PPP2R2A: variants seen among roughly 807,000 people sequenced by gnomAD.
The protein encoded by PPP2R2A is protein phosphatase 2 regulatory subunit Balpha.
A neutral mutation model predicts 53.2 loss-of-function variants in PPP2R2A; 9 were observed. The observed-to-expected ratio is 0.17, with a 90% confidence interval of 0.10 to 0.30. The LOEUF (loss-of-function observed/expected upper bound fraction) is 0.30. Ranked by LOEUF, PPP2R2A falls within the 10% of genes least tolerant of loss-of-function variation. PPP2R2A has a pLI of 1.00. For synonymous variants in PPP2R2A, 169 were observed against 174.2 expected (o/e 0.97, Z 0.23); for missense variants, 235 against 534.6 (o/e 0.44, Z 5.53).
At chr8:26,312,016 A>C (rs1012576104) in intron 2 of PPP2R2A, among the ~76,000 whole-genome samples, 1 of 141,064 alleles carries the variant, frequency 7.1e-6, no homozygotes, top group Non-Finnish European at 1.6e-5. Flanking sequence ...TGTAAATAGC[A>C]TATTTTTTAC....
intron 2 of PPP2R2A, among the ~76,000 whole-genome samples, chr8:26,336,919 C>CT (rs1246190008): frequency 3.3e-5 from 5 of 151,582 alleles, no homozygotes; most frequent in Non-Finnish European, 7.4e-5. Flanking sequence ...ACCTACCTGT[C>CT]TAACTTTACT....
intron 8 of PPP2R2A, 77 bp from the exon 9 acceptor site, chr8:26,366,235 CCTT>C: frequency 3.7e-6 from 4 of 1,089,964 alleles, no homozygotes; most frequent in African/African-American, 1.6e-5. Context: ...CTGTATATGC[CCTT>C]TTTTTCTTTT....
intron 2 of PPP2R2A, among the ~76,000 whole-genome samples, chr8:26,295,160 G>A (rs1392453122): frequency 6.6e-6 from 1 of 152,156 alleles, no homozygotes; most frequent in East Asian, 1.9e-4. Flanking sequence ...AATGTTCTTT[G>A]GTTGAATTCC....
chr8:26,307,310 G>A (rs942254557), intron 2 of PPP2R2A, among the ~76,000 whole-genome samples: 8 of 152,124 alleles, frequency 5.3e-5, no homozygotes, highest in South Asian at 4.1e-4. Context: ...TGGAGTCTTC[G>A]GATTGTAGAC....
chr8:26,330,787 G>A (rs1026004703), intron 2 of PPP2R2A, among the ~76,000 whole-genome samples: 3 of 152,018 alleles, frequency 2.0e-5, no homozygotes, highest in South Asian at 2.1e-4. Context: ...TGGTAATTTC[G>A]GATTGGAAAC....
chr8:26,333,634 C>G (rs1803494949), intron 2 of PPP2R2A: 1 of 770,420 alleles, frequency 1.3e-6, no homozygotes, highest in African/African-American at 1.8e-5. Context: ...TTATTTGTTA[C>G]ACCCATTTAT....
intron 2 of PPP2R2A, among the ~76,000 whole-genome samples, chr8:26,328,599 A>T (rs1272136800): frequency 6.6e-6 from 1 of 152,168 alleles, no homozygotes; most frequent in Non-Finnish European, 1.5e-5. Flanking sequence ...TAATTCCCTG[A>T]TTGTTTTATT....
intron 2 of PPP2R2A, among the ~76,000 whole-genome samples, chr8:26,335,942 T>C (rs1022803021): frequency 1.3e-5 from 2 of 152,228 alleles, no homozygotes; most frequent in Admixed American, 1.3e-4. Context: ...TTGGAGCAAA[T>C]GTCTTGTTTC....
intron 2 of PPP2R2A, among the ~76,000 whole-genome samples, chr8:26,327,687 C>G (rs2117287974): frequency 6.6e-6 from 1 of 152,290 alleles, no homozygotes; most frequent in East Asian, 1.9e-4. Flanking sequence ...CAGCAAGAAA[C>G]TATCATTTTA....
chr8:26,358,475 A>G (rs1488811943), intron 4 of PPP2R2A, among the ~76,000 whole-genome samples: 1 of 151,992 alleles, frequency 6.6e-6, no homozygotes, highest in Admixed American at 6.6e-5. Flanking sequence ...AAGGTCACAT[A>G]GGGCTTAGAA....
intron 2 of PPP2R2A, among the ~76,000 whole-genome samples, chr8:26,325,147 A>G (rs1467881863): frequency 6.6e-6 from 1 of 151,578 alleles, no homozygotes; most frequent in African/African-American, 2.4e-5. Context: ...GTTGGGGCAG[A>G]ATGATAAATG....
chr8:26,305,635 T>TATTGA, intron 2 of PPP2R2A, among the ~76,000 whole-genome samples: 1 of 152,294 alleles, frequency 6.6e-6, no homozygotes, highest in African/African-American at 2.4e-5. Flanking sequence ...TCCTTCATTT[T>TATTGA]AGGTACATGG....
chr8:26,323,440 T>C lies in PPP2R2A; in HGVS notation c.83-15450T>C, dbSNP rs539548431. Among the ~76,000 whole-genome samples the C allele has an allele frequency of 2.4e-4, 36 of 152,294 alleles. 1 individual carries two copies. The highest frequency in any genetic ancestry group is 8.2e-4 in the African/African-American group (34 of 41,566). On this transcript the variant is annotated intron_variant, in intron 2 of 9. Transcript: ENST00000380737. ...TATTCCCCAGGTTGAGGGGGCTCGG[T>C]CCCACAAGACTGCCCCCACTTTTTC...
At chr8:26,313,836 C>T (rs927697102) in intron 2 of PPP2R2A, among the ~76,000 whole-genome samples, 1 of 152,178 alleles carries the variant, frequency 6.6e-6, no homozygotes, top group African/African-American at 2.4e-5. Flanking sequence ...GCCCAGCTGA[C>T]AACTTCACCT....
chr8:26,353,011 A>G (rs1804599602), intron 3 of PPP2R2A, among the ~76,000 whole-genome samples: 1 of 152,216 alleles, frequency 6.6e-6, no homozygotes, highest in African/African-American at 2.4e-5. Context: ...AAAATGCAGG[A>G]TTTATATTAA....
intron 2 of PPP2R2A, among the ~76,000 whole-genome samples, chr8:26,305,528 GA>G (rs1204416423): frequency 6.6e-6 from 1 of 152,088 alleles, no homozygotes; most frequent in Non-Finnish European, 1.5e-5. Context: ...TTTTTATGGG[GA>G]GGGGGCAGAG....
chr8:26,369,558 T>C (rs1042517110), intron 9 of PPP2R2A, among the ~76,000 whole-genome samples: 2 of 151,606 alleles, frequency 1.3e-5, no homozygotes, highest in Admixed American at 6.6e-5. Context: ...GCCAGGCTAA[T>C]TTTTTTTGTA....
At chr8:26,310,707 A>G (rs1802253143) in intron 2 of PPP2R2A, among the ~76,000 whole-genome samples, 1 of 150,752 alleles carries the variant, frequency 6.6e-6, no homozygotes, top group Non-Finnish European at 1.5e-5. Flanking sequence ...TTATTGCCAA[A>G]TCACCATAGA....
intron 4 of PPP2R2A, among the ~76,000 whole-genome samples, chr8:26,357,293 C>G (rs1282761822): frequency 1.4e-5 from 2 of 145,436 alleles, no homozygotes; most frequent in Admixed American, 6.8e-5. Context: ...ACCCCCCCCC[C>G]CCAATATAAT....
Sources: gnomAD v4.1 joint callset for allele counts (sites outside exome capture counted in the v4.1 genomes callset) on GRCh38, gnomAD v4.1.1 for gene constraint, MANE v1.5 for transcripts, NCBI Gene and HGNC (gene_info 2026-07-23, HGNC 2026-07-21) for gene names.